Variants in PDSS2 observed in about 807,000 individuals in gnomAD.
The protein encoded by PDSS2 is all trans-polyprenyl-diphosphate synthase PDSS2.
In PDSS2, 31 loss-of-function variants were observed where a neutral mutation model predicts 44.5. That is an observed-to-expected ratio of 0.70 (90% confidence interval 0.52 to 0.94). The LOEUF is 0.94. Among genes scored for constraint, PDSS2 ranks in the 40% least tolerant of loss-of-function variants. PDSS2 has a pLI of 0.00. For missense variants in PDSS2, 452 were observed against 482.2 expected (o/e 0.94, Z 0.59); for synonymous variants, 157 against 180.3 (o/e 0.87, Z 1.03).
chr6:107,370,108 C>T (rs569442911), intron 1 of PDSS2, among the ~76,000 whole-genome samples: 1 of 152,054 alleles, frequency 6.6e-6, no homozygotes, highest in South Asian at 2.1e-4. Context: ...GTTGTGGAAC[C>T]CCAAAAGAGA....
chr6:107,166,428 G>T (rs1771352544), intron 7 of PDSS2, among the ~76,000 whole-genome samples: 1 of 141,542 alleles, frequency 7.1e-6, no homozygotes, highest in Non-Finnish European at 1.5e-5. Flanking sequence ...GCAGTGGCGT[G>T]ATCTCGGCTC....
At chr6:107,366,708 C>G (rs1374310838) in intron 1 of PDSS2, among the ~76,000 whole-genome samples, 1 of 151,748 alleles carries the variant, frequency 6.6e-6, no homozygotes, top group Non-Finnish European at 1.5e-5. Context: ...TTACTCTATG[C>G]CAACAAACCA....
At chr6:107,430,756 C>G (rs1460166317) in intron 1 of PDSS2, among the ~76,000 whole-genome samples, 1 of 151,748 alleles carries the variant, frequency 6.6e-6, no homozygotes. Flanking sequence ...TTGCGGTGAG[C>G]CAAGACTGCA....
At chr6:107,443,357 C>G in intron 1 of PDSS2, among the ~76,000 whole-genome samples, 1 of 152,202 alleles carries the variant, frequency 6.6e-6, no homozygotes, top group Non-Finnish European at 1.5e-5. Flanking sequence ...ATACAAAACT[C>G]AAAATCTGGC....
chr6:107,173,426 T>G (rs1232119248), intron 7 of PDSS2, among the ~76,000 whole-genome samples: 1 of 151,122 alleles, frequency 6.6e-6, no homozygotes, highest in African/African-American at 2.4e-5. Context: ...ATACAAAAAT[T>G]AGTTGGGCGT....
chr6:107,177,285 T>G (rs1771828168), intron 7 of PDSS2, among the ~76,000 whole-genome samples: 1 of 151,980 alleles, frequency 6.6e-6, no homozygotes, highest in African/African-American at 2.4e-5. Flanking sequence ...CATGTGCCAC[T>G]GTGCCTGGCT....
chr6:107,241,561 C>CGG (rs1774434698), intron 4 of PDSS2, among the ~76,000 whole-genome samples: 1 of 151,740 alleles, frequency 6.6e-6, no homozygotes, highest in African/African-American at 2.4e-5. Flanking sequence ...TTAGCCAGGA[C>CGG]GGCCTCGATC....
At chr6:107,206,022 T>C (rs1772962409) in intron 6 of PDSS2, among the ~76,000 whole-genome samples, 1 of 152,184 alleles carries the variant, frequency 6.6e-6, no homozygotes, top group Admixed American at 6.5e-5. Flanking sequence ...ACAGGTGACT[T>C]CCATCATTGA....
chr6:107,447,056 G>A (rs193284083), intron 1 of PDSS2, among the ~76,000 whole-genome samples: 63 of 152,196 alleles, frequency 4.1e-4, no homozygotes, highest in East Asian at 7.7e-4. Context: ...AAAAGCGGCC[G>A]GGCGCAGTGG....
At chr6:107,255,976 T>C (rs1379101441) in intron 3 of PDSS2, among the ~76,000 whole-genome samples, 1 of 152,094 alleles carries the variant, frequency 6.6e-6, no homozygotes, top group Non-Finnish European at 1.5e-5. Flanking sequence ...ATAATGCTGA[T>C]GCTTAGCTTC....
intron 3 of PDSS2, among the ~76,000 whole-genome samples, chr6:107,246,747 G>A (rs760453473): frequency 6.6e-5 from 10 of 152,026 alleles, no homozygotes; most frequent in Admixed American, 2.6e-4. Context: ...ATATATTTAC[G>A]TTTATACTAC....
chr6:107,207,759 G>A (rs1220989954), intron 6 of PDSS2, among the ~76,000 whole-genome samples: 1 of 151,572 alleles, frequency 6.6e-6, no homozygotes, highest in Non-Finnish European at 1.5e-5. Context: ...ACAGGCCCGG[G>A]CCACCATGCC....
chr6:107,324,456 C>T (rs1429616293), intron 2 of PDSS2, among the ~76,000 whole-genome samples: 1 of 152,102 alleles, frequency 6.6e-6, no homozygotes, highest in Admixed American at 6.5e-5. Flanking sequence ...GCTTTTATTG[C>T]TTTACAAGTA....
At position 107,347,523 on chromosome 6, in the gene PDSS2, A is replaced by T. The variant is rs556824329; in HGVS notation, c.297-13191T>A. ...CGTGATCTGCTCGCCTCGGCCTCCCAAAGTGCTGAGATTACAGGCGTGAGC... is the reference window on the plus strand; with the variant it reads ...CGTGATCTGCTCGCCTCGGCCTCCCTAAGTGCTGAGATTACAGGCGTGAGC... On this transcript the variant is annotated intron_variant, in intron 1 of 7. Transcript: ENST00000369037. Among the ~76,000 whole-genome samples, 3 of 152,018 alleles carry T rather than the reference A, an allele frequency of 2.0e-5. No homozygotes were observed. The South Asian group carries it at 6.2e-4, about 32-fold the overall frequency.
intron 3 of PDSS2, among the ~76,000 whole-genome samples, chr6:107,267,299 AGCTCAAG>A (rs1475598015): frequency 6.6e-6 from 1 of 152,230 alleles, no homozygotes; most frequent in Non-Finnish European, 1.5e-5. Flanking sequence ...GGTCATGTGC[AGCTCAAG>A]GTGTCCAGAC....
intron 4 of PDSS2, among the ~76,000 whole-genome samples, chr6:107,214,130 GTCTC>G (rs1773326813): frequency 6.7e-6 from 1 of 148,432 alleles, no homozygotes; most frequent in Non-Finnish European, 1.5e-5. Context: ...TTGAGATGGA[GTCTC>G]TCTGTGTCAC....
intron 2 of PDSS2, among the ~76,000 whole-genome samples, chr6:107,324,833 C>A (rs1777488861): frequency 6.6e-6 from 1 of 152,084 alleles, no homozygotes; most frequent in South Asian, 2.1e-4. Flanking sequence ...GATCAGTCCC[C>A]AAGGGAAATA....
At chr6:107,219,752 G>T (rs1005175883) in intron 4 of PDSS2, among the ~76,000 whole-genome samples, 1 of 152,164 alleles carries the variant, frequency 6.6e-6, no homozygotes, top group East Asian at 1.9e-4. Flanking sequence ...TTCCTTGAAG[G>T]TTAGACCTGG....
At position 107,252,825 on chromosome 6, in the gene PDSS2, G is replaced by A. The variant is rs192966760; in HGVS notation, c.631-7206C>T. On this transcript the variant is annotated intron_variant, in intron 3 of 7. Transcript: ENST00000369037. ...CAACTGATACAACTTGAAAGAAATA[G>A]GCCACAAATTCAGGAAGATGGCTTA... 1.9e-4 allele frequency among the ~76,000 whole-genome samples: 29 copies of A among 151,860 alleles called. No homozygotes were observed. In the East Asian group the frequency reaches 4.6e-3, roughly 24 times the overall value.
Sources: gnomAD v4.1 joint callset for allele counts (sites outside exome capture counted in the v4.1 genomes callset) on GRCh38, gnomAD v4.1.1 for gene constraint, MANE v1.5 for transcripts, NCBI Gene and HGNC (gene_info 2026-07-23, HGNC 2026-07-21) for gene names.